DMD: variants seen among roughly 807,000 people sequenced by gnomAD.
The protein encoded by DMD is dystrophin, also known as mutant dystrophin.
DMD carries 63 observed loss-of-function variants against 330.1 expected under a neutral mutation model. The ratio of observed to expected loss-of-function variants is 0.19; its 90% CI spans 0.16 to 0.24. The LOEUF is 0.24. DMD is among the 10% of genes least tolerant of loss of function. The probability of loss-of-function intolerance (pLI) is 1.00; values close to 1 mark genes in which losing one functional copy is unlikely to be tolerated. For missense variants in DMD, 3,344 were observed against 2,684.1 expected (o/e 1.25, Z -5.43); for synonymous variants, 1,223 against 959.8 (o/e 1.27, Z -5.07).
At chrX:31,807,303 G>C (rs2092321418) in intron 50 of DMD, among the ~76,000 whole-genome samples, 1 of 111,882 alleles carries the variant, frequency 8.9e-6, no homozygotes, top group African/African-American at 3.2e-5. Context: ...ATTAAATGAA[G>C]TGCTGTTTAA....
chrX:31,209,305 A>G (rs2044401106), intron 65 of DMD, among the ~76,000 whole-genome samples, 193 bp downstream of exon 65: 2 of 112,020 alleles, frequency 1.8e-5, no homozygotes, highest in African/African-American at 6.5e-5. Flanking sequence ...TCTGAGAGCA[A>G]TCTACATTCT....
At chrX:33,236,144 A>C (rs1018551370) in intron 1 of DMD, among the ~76,000 whole-genome samples, 16 of 107,105 alleles carry the variant, frequency 1.5e-4, no homozygotes, top group South Asian at 1.3e-3. Context: ...TCTCGATCTC[A>C]TGACCTCGTG....
intron 51 of DMD, among the ~76,000 whole-genome samples, chrX:31,757,506 T>C (rs1469248227): frequency 9.0e-6 from 1 of 111,494 alleles, no homozygotes; most frequent in Admixed American, 9.6e-5. Context: ...CAACAGAATT[T>C]ATTGCTTATA....
At chrX:32,464,819 A>C in intron 23 of DMD, 120 bp from the exon 24 acceptor site, 1 of 549,587 alleles carries the variant, frequency 1.8e-6, no homozygotes, top group Non-Finnish European at 3.2e-6. Context: ...GGATGTCTCT[A>C]AGTAGTTCTT....
chrX:32,364,539 T>C (rs2097847653), intron 36 of DMD, 43 bp downstream of exon 36: 1 of 1,190,563 alleles, frequency 8.4e-7, no homozygotes, highest in Admixed American at 2.2e-5. Context: ...TTGAAGTAAC[T>C]GGTGTACAAT....
intron 54 of DMD, among the ~76,000 whole-genome samples, chrX:31,628,612 A>G (rs1603430348): frequency 9.0e-6 from 1 of 111,166 alleles, no homozygotes; most frequent in African/African-American, 3.3e-5. Flanking sequence ...GAAAAAGAGT[A>G]GAGTTTTAAA....
intron 59 of DMD, among the ~76,000 whole-genome samples, chrX:31,459,604 G>C (rs1386306827): frequency 9.0e-6 from 1 of 111,671 alleles, no homozygotes; most frequent in Non-Finnish European, 1.9e-5. Flanking sequence ...AAATAAGTGT[G>C]TTTCGAAACA....
At chrX:32,630,386 T>C (rs895692835) in intron 11 of DMD, among the ~76,000 whole-genome samples, 1 of 110,628 alleles carries the variant, frequency 9.0e-6, no homozygotes, top group Non-Finnish European at 1.9e-5. Flanking sequence ...TTTGGAAGTT[T>C]GATTTTTAAA....
At chrX:31,187,558 C>G (rs1343631286) in intron 67 of DMD, among the ~76,000 whole-genome samples, 1 of 111,510 alleles carries the variant, frequency 9.0e-6, no homozygotes, top group Non-Finnish European at 1.9e-5. Flanking sequence ...GCAGATCAAT[C>G]GTCCAGCAAA....
intron 62 of DMD, among the ~76,000 whole-genome samples, chrX:31,262,371 A>G (rs1236569665): frequency 8.9e-6 from 1 of 112,004 alleles, no homozygotes; most frequent in Non-Finnish European, 1.9e-5. Flanking sequence ...GTTATCACCT[A>G]TGTTTAAAAA....
chrX:31,256,276 C>A (rs966002035), intron 63 of DMD, among the ~76,000 whole-genome samples: 3 of 112,188 alleles, frequency 2.7e-5, no homozygotes, highest in Non-Finnish European at 5.6e-5. Context: ...AAATCCAAGA[C>A]AATGCTTTTG....
intron 55 of DMD, among the ~76,000 whole-genome samples, chrX:31,602,850 C>T (rs2077435033): frequency 9.0e-6 from 1 of 111,673 alleles, no homozygotes; most frequent in African/African-American, 3.3e-5. Context: ...TTAACTAACT[C>T]GTTGAGCTTG....
chrX:32,729,900 A>G (rs1328241099), intron 7 of DMD, among the ~76,000 whole-genome samples: 4 of 112,178 alleles, frequency 3.6e-5, no homozygotes, highest in Non-Finnish European at 5.6e-5. Flanking sequence ...TAGCAAAACT[A>G]AAGCATATAT....
chrX:32,785,851 A>G (rs373572313), intron 7 of DMD, among the ~76,000 whole-genome samples: 1 of 111,146 alleles, frequency 9.0e-6, no homozygotes, highest in Non-Finnish European at 1.9e-5. Flanking sequence ...CAATGGGTGA[A>G]ATTTGTCTTT....
intron 62 of DMD, among the ~76,000 whole-genome samples, chrX:31,319,290 TTC>T (rs1200724231): frequency 2.7e-5 from 3 of 112,057 alleles, no homozygotes; most frequent in Non-Finnish European, 5.6e-5. Flanking sequence ...GGATTAGAAT[TTC>T]TCAGACTGGG....
intron 9 of DMD, among the ~76,000 whole-genome samples, chrX:32,650,405 T>C (rs1249739725): frequency 9.0e-6 from 1 of 111,676 alleles, no homozygotes; most frequent in Non-Finnish European, 1.9e-5. Context: ...ATGGTGAATT[T>C]TTTGGTGTAT....
In DMD at chrX:31,827,167, G is replaced by T. The variant is rs12832849; in HGVS notation, c.7201-7084C>A. Reference sequence around the variant, plus strand: ...ATAGATACTGCAATCACTCTGATTTGATCATTATATATTATATGCTTGTAT... The same window carrying T: ...ATAGATACTGCAATCACTCTGATTTTATCATTATATATTATATGCTTGTAT... On this transcript the variant is annotated intron_variant, in intron 49 of 78. Coordinates refer to ENST00000357033, the MANE Select transcript of DMD (RefSeq NM_004006.3). Among the ~76,000 whole-genome samples, 867 of 111,693 alleles carry T rather than the reference G, an allele frequency of 7.8e-3. 6 individuals are homozygous for T. The highest frequency in any genetic ancestry group is 0.017 in the East Asian group (62 of 3,569).
At chrX:32,739,639 A>G (rs2068975058) in intron 7 of DMD, among the ~76,000 whole-genome samples, 1 of 112,011 alleles carries the variant, frequency 8.9e-6, no homozygotes, top group African/African-American at 3.2e-5. Flanking sequence ...GATTGAGATA[A>G]ATTTGGAAAC....
intron 2 of DMD, among the ~76,000 whole-genome samples, chrX:32,975,489 T>C (rs1459223768): frequency 9.2e-6 from 1 of 108,347 alleles, no homozygotes; most frequent in Admixed American, 1.0e-4. Flanking sequence ...GGAGGAGTCC[T>C]TTTTCTCTCA....
Sources: gnomAD v4.1 joint callset for allele counts (sites outside exome capture counted in the v4.1 genomes callset) on GRCh38, gnomAD v4.1.1 for gene constraint, MANE v1.5 for transcripts, NCBI Gene and HGNC (gene_info 2026-07-23, HGNC 2026-07-21) for gene names.